The following MELK variants were observed in gnomAD, a reference collection of about 807,000 sequenced individuals.
MELK encodes pEg3 kinase.
In MELK, 81 loss-of-function variants were observed where a neutral mutation model predicts 85.0. The ratio of observed to expected loss-of-function variants is 0.95; its 90% CI spans 0.80 to 1.15. The LOEUF (loss-of-function observed/expected upper bound fraction) is 1.15. Ranked by LOEUF, MELK falls within the 50% of genes most tolerant of loss-of-function variation. The pLI, the probability that MELK is intolerant of heterozygous loss-of-function variation, is 0.00. For missense variants in MELK, 754 were observed against 777.5 expected (o/e 0.97, Z 0.36); for synonymous variants, 252 against 265.0 (o/e 0.95, Z 0.48).
chr9:36,674,321 A>T (rs535178998), intron 16 of MELK, among the ~76,000 whole-genome samples: 1 of 152,346 alleles, frequency 6.6e-6, no homozygotes, highest in South Asian at 2.1e-4. Context: ...TTTTAAAGGA[A>T]TACCTGTTAC....
At chr9:36,649,384 G>A (rs1285339213) in intron 11 of MELK, among the ~76,000 whole-genome samples, 1 of 152,106 alleles carries the variant, frequency 6.6e-6, no homozygotes, top group African/African-American at 2.4e-5. Flanking sequence ...CTACTCGGGA[G>A]TCTGAGGCAG....
At chr9:36,587,043 T>G (rs10814406) in intron 3 of MELK, among the ~76,000 whole-genome samples, 34,489 of 151,356 alleles carry the variant, frequency 0.23, 6,332 homozygotes, top group African/African-American at 0.51. Flanking sequence ...TAGAGACGGG[T>G]TTTCACCGTG....
intron 8 of MELK, among the ~76,000 whole-genome samples, chr9:36,621,506 G>A (rs1827447310): frequency 6.6e-6 from 1 of 151,950 alleles, no homozygotes; most frequent in Admixed American, 6.6e-5. Context: ...CTAAAGCACA[G>A]CAAGGTTAAA....
intron 8 of MELK, among the ~76,000 whole-genome samples, chr9:36,611,126 A>G (rs972045736): frequency 2.0e-5 from 3 of 152,192 alleles, no homozygotes; most frequent in African/African-American, 7.2e-5. Context: ...GTTCCCAAGC[A>G]TTTGGGTAAG....
intron 1 of MELK, among the ~76,000 whole-genome samples, chr9:36,578,245 T>TA (rs995516612): frequency 6.6e-6 from 1 of 151,022 alleles, no homozygotes; most frequent in Non-Finnish European, 1.5e-5. Context: ...TCCAATGTGT[T>TA]TTTTTTTTTC....
chr9:36,632,241 G>A (rs920985314), intron 9 of MELK, among the ~76,000 whole-genome samples: 2 of 152,196 alleles, frequency 1.3e-5, no homozygotes, highest in African/African-American at 4.8e-5. Context: ...GAGAACCACA[G>A]ATTTATTGGA....
At chr9:36,602,799 T>C (rs767076832) in intron 7 of MELK, among the ~76,000 whole-genome samples, 36 of 152,114 alleles carry the variant, frequency 2.4e-4, no homozygotes, top group Admixed American at 7.2e-4. Context: ...CCCCAGGTGA[T>C]CCGTCTGCCT....
At chr9:36,615,474 G>A (rs1258882823) in intron 8 of MELK, among the ~76,000 whole-genome samples, 7 of 139,296 alleles carry the variant, frequency 5.0e-5, no homozygotes, top group Admixed American at 3.4e-4. Context: ...CGGATGGGGC[G>A]GCTGGCCTGG....
At chr9:36,666,902 T>A (rs1008066080) in intron 14 of MELK, among the ~76,000 whole-genome samples, 1 of 122,120 alleles carries the variant, frequency 8.2e-6, no homozygotes. Context: ...TGTGTGTGTG[T>A]GTGTGATGGT....
intron 12 of MELK, among the ~76,000 whole-genome samples, chr9:36,656,615 A>G (rs951197995): frequency 6.7e-6 from 1 of 149,394 alleles, no homozygotes; most frequent in African/African-American, 2.5e-5. Flanking sequence ...TTTTTACTCT[A>G]CCTTTTCTTT....
At position 36,674,875 on chromosome 9, in the gene MELK, T is replaced by A. The variant is rs1335535593; in HGVS notation, c.1716T>A (p.Asp572Glu). Reference sequence around the variant, plus strand: ...CTACAACTAGATTAGTGAATCCAGATCAACTGTTGAATGAAATAATGTCTA... The same window carrying A: ...CTACAACTAGATTAGTGAATCCAGAACAACTGTTGAATGAAATAATGTCTA... Reference protein sequence around the residue: ...NVTTTRLVNPDQLLNEIMSIL... With the variant: ...NVTTTRLVNPEQLLNEIMSIL... The change falls in exon 17 of 18, where the codon GAT becomes GAA. Residue 572 changes from aspartate to glutamate, a missense_variant. By Grantham distance (45) the Asp-to-Glu change is conservative. Coordinates refer to ENST00000298048, the MANE Select transcript of MELK (RefSeq NM_014791.4). 3 of 1,601,430 alleles carry A rather than the reference T, an allele frequency of 1.9e-6. No individual in the cohort carries two copies. The highest frequency in any genetic ancestry group is 2.6e-6 in the Non-Finnish European group (3 of 1,168,774).
intron 1 of MELK, among the ~76,000 whole-genome samples, chr9:36,575,812 A>G (rs1821597840): frequency 6.6e-6 from 1 of 152,172 alleles, no homozygotes; most frequent in African/African-American, 2.4e-5. Context: ...TCTGAGTGAC[A>G]ATTTGAAATA....
intron 15 of MELK, 96 bp from the exon 16 acceptor site, chr9:36,670,902 A>G: frequency 7.6e-7 from 1 of 1,312,100 alleles, no homozygotes; most frequent in East Asian, 2.6e-5. Context: ...TGAGTGAGGC[A>G]TCCTAATGTG....
intron 8 of MELK, 28 bp downstream of exon 8, chr9:36,607,701 A>G (rs758534858): frequency 3.4e-6 from 5 of 1,457,182 alleles, no homozygotes; most frequent in East Asian, 4.5e-5. Flanking sequence ...TAGAATTTCA[A>G]TGTAGAACTT....
At chr9:36,636,782 T>TCTGTCTGTCTGTCTGTCTG (rs1829220194) in intron 10 of MELK, among the ~76,000 whole-genome samples, 134 of 107,666 alleles carry the variant, frequency 1.2e-3, no homozygotes, top group African/African-American at 5.0e-3. Context: ...CTTTCTTTCT[T>TCTGTCTGTCTGTCTGTCTG]TCTGTCTGTC....
At position 36,665,438 on chromosome 9, in the gene MELK, A is replaced by C; in HGVS notation, c.1265A>C (p.Asn422Thr). Residue 422 changes from asparagine to threonine, a missense_variant, in exon 14 of 18, where the codon AAC (asparagine) becomes ACC (threonine). Coordinates refer to ENST00000298048, the MANE Select transcript of MELK (RefSeq NM_014791.4). ...LCRTPANKLK[N>T]KENVYTPKSA... ...AGAACACCTGCAAATAAATTAAAGA[A>C]CAAAGAAAATGTATATACTCCTAAG... The C allele has an allele frequency of 6.2e-7, 1 of 1,613,588 alleles. No individual in the cohort carries two copies. The highest frequency in any genetic ancestry group is 1.7e-4 in the Middle Eastern group (1 of 6,052).
intron 8 of MELK, among the ~76,000 whole-genome samples, chr9:36,620,938 A>C (rs957941122): frequency 2.0e-5 from 3 of 151,992 alleles, no homozygotes; most frequent in African/African-American, 7.2e-5. Context: ...CAACATTTGC[A>C]CATTTCTTAA....
rs1002724071 is a variant in MELK at position 36,597,228 on chromosome 9, T to A, written c.412T>A (p.Leu138Met). The A allele has an allele frequency of 2.2e-5, 35 of 1,612,984 alleles. No homozygotes were observed. The highest frequency in any genetic ancestry group is 3.0e-5 in the Non-Finnish European group (35 of 1,179,074). The change falls in exon 6 of 18, where the codon TTG becomes ATG. Residue 138 changes from leucine (L) to methionine (M), a missense_variant. Physicochemically the swap from Leu to Met is conservative, Grantham distance 15. Transcript: ENST00000298048. ...YAHRDLKPEN[L>M]LFDEYHKLKL... ...AATATCTTTGTTTTCCCAGGAAAAT[T>A]TGCTGTTTGATGAATATCATAAATT...
chr9:36,599,466 A>G lies in MELK; in HGVS notation c.547A>G (p.Lys183Glu). ...AYAAPELIQG[K>E]SYLGSEADVW... is the part of the protein sequence containing the mutation. ...TGCAGCACCTGAGTTAATACAAGGC[A>G]AATCATATCTTGGATCAGAGGTAAT... Residue 183 changes from lysine to glutamate, a missense_variant, in exon 7 of 18, where the codon AAA (lysine) becomes GAA (glutamate). Physicochemically the swap from Lys to Glu is moderately conservative, Grantham distance 56. Coordinates refer to ENST00000298048, the MANE Select transcript of MELK (RefSeq NM_014791.4). The G allele has an allele frequency of 6.2e-7, 1 of 1,611,618 alleles. No individual in the cohort carries two copies. The highest frequency in any genetic ancestry group is 8.5e-7 in the Non-Finnish European group (1 of 1,177,816).
Sources: gnomAD v4.1 joint callset for allele counts (sites outside exome capture counted in the v4.1 genomes callset) on GRCh38, gnomAD v4.1.1 for gene constraint, MANE v1.5 for transcripts, NCBI Gene and HGNC (gene_info 2026-07-23, HGNC 2026-07-21) for gene names.